TRAF3IP2: variants seen among roughly 807,000 people sequenced by gnomAD.
TRAF3IP2 encodes the protein TRAF3 interacting protein 2.
A neutral mutation model predicts 57.9 loss-of-function variants in TRAF3IP2; 35 were observed. The ratio of observed to expected loss-of-function variants is 0.60; its 90% CI spans 0.46 to 0.80. The LOEUF (loss-of-function observed/expected upper bound fraction) is 0.80, where lower values mean the gene tolerates loss of function less well. Among genes scored for constraint, TRAF3IP2 ranks in the 30% least tolerant of loss-of-function variants. The pLI is 0.00. For missense variants in TRAF3IP2, 556 were observed against 706.4 expected (o/e 0.79, Z 2.41); for synonymous variants, 251 against 268.9 (o/e 0.93, Z 0.65).
intron 2 of TRAF3IP2, among the ~76,000 whole-genome samples, chr6:111,583,002 C>T (rs550755085): frequency 6.6e-6 from 1 of 152,324 alleles, no homozygotes; most frequent in African/African-American, 2.4e-5. Flanking sequence ...CCAAAGAGTC[C>T]TGCCTCTTCA....
chr6:111,597,162 CTTT>C (rs1264653613), intron 1 of TRAF3IP2, among the ~76,000 whole-genome samples: 2 of 151,468 alleles, frequency 1.3e-5, no homozygotes, highest in Admixed American at 1.3e-4. Flanking sequence ...CTTCCCTCTT[CTTT>C]TTTTTTCCTC....
In TRAF3IP2 at chr6:111,559,295, A is replaced by G. The variant is rs1425833324; in HGVS notation, c.*110T>C. On this transcript the variant is annotated 3_prime_UTR_variant, in exon 9 of 9. Transcript: ENST00000368761. ...CTGGGGGCCAGAGGGCCTCTCGGGG[A>G]GGAACAGAAAAAAACCAGCCAGGAG... is the stretch of plus-strand genomic sequence containing the variant. 6.9e-7 allele frequency: 1 copy of G among 1,449,410 alleles called. No individual in the cohort carries two copies. Among genetic ancestry groups the G allele is most frequent in the Non-Finnish European group, 9.3e-7 (1 of 1,078,026 alleles). 89.8% of individuals were successfully genotyped at this position (1,449,410 alleles called of 1,614,324 possible).
chr6:111,593,102 C>T (rs897266825), intron 1 of TRAF3IP2, among the ~76,000 whole-genome samples: 10 of 152,194 alleles, frequency 6.6e-5, no homozygotes, highest in African/African-American at 1.9e-4. Context: ...GCAGGAAGAA[C>T]GCAGTCCAGA....
rs141777182 is a variant in TRAF3IP2, at chr6:111,591,836, C to A, written c.251G>T (p.Arg84Leu). Residue 84 changes from arginine to leucine, a missense_variant, in exon 2 of 9, where the codon CGC becomes CTC. Coordinates refer to ENST00000368761, the MANE Select transcript of TRAF3IP2 (RefSeq NM_147686.4). This position sits in a 1 kb window ranked among gnomAD's most constrained non-coding sequence, Gnocchi z 4.9. ...RPVSRQVTCL[R>L]TQVLEDSEDS... The stretch of plus-strand genomic sequence containing the variant: ...TTCACTGTCCTCCAGAACTTGAGTG[C>A]GCAGGCAGGTGACCTGCCGGGATAC... 2.5e-6 allele frequency: 4 copies of A among 1,614,070 alleles called. No homozygotes were observed. In the South Asian group the frequency reaches 3.3e-5, roughly 13 times the overall value.
At chr6:111,597,176 T>A (rs1420951942) in intron 1 of TRAF3IP2, among the ~76,000 whole-genome samples, 1 of 151,980 alleles carries the variant, frequency 6.6e-6, no homozygotes, top group East Asian at 1.9e-4. Context: ...TTTTTTCCTC[T>A]CCAGAACATT....
At chr6:111,586,459 AG>A (rs1796339800) in intron 2 of TRAF3IP2, among the ~76,000 whole-genome samples, 1 of 152,136 alleles carries the variant, frequency 6.6e-6, no homozygotes, top group South Asian at 2.1e-4. Context: ...AGGCAGCAGG[AG>A]GCCGACTTCT....
intron 7 of TRAF3IP2, among the ~76,000 whole-genome samples, chr6:111,563,966 T>C (rs922207261): frequency 5.3e-5 from 8 of 152,196 alleles, no homozygotes; most frequent in African/African-American, 1.9e-4. Context: ...AGCACAAAGC[T>C]TTCAGTCATC....
intron 2 of TRAF3IP2, among the ~76,000 whole-genome samples, chr6:111,585,619 CAT>C (rs1384434158): frequency 6.6e-6 from 1 of 152,132 alleles, no homozygotes; most frequent in African/African-American, 2.4e-5. Flanking sequence ...GAAGGGGAGA[CAT>C]ATGAGTCGAC....
At chr6:111,577,854 G>A (rs1461261931) in intron 3 of TRAF3IP2, among the ~76,000 whole-genome samples, 1 of 152,094 alleles carries the variant, frequency 6.6e-6, no homozygotes, top group Non-Finnish European at 1.5e-5. Context: ...TGGAACCACA[G>A]GTATGTGCCA....
intron 1 of TRAF3IP2, among the ~76,000 whole-genome samples, chr6:111,592,411 A>C (rs959122649): frequency 9.2e-5 from 14 of 152,254 alleles, no homozygotes; most frequent in Non-Finnish European, 1.8e-4. Flanking sequence ...AAATTATCAT[A>C]ATGTGGGCTG....
chr6:111,559,704 T>A (rs1003432139), intron 8 of TRAF3IP2, among the ~76,000 whole-genome samples, 153 bp from the exon 9 acceptor site: 2 of 152,208 alleles, frequency 1.3e-5, no homozygotes, highest in African/African-American at 4.8e-5. Flanking sequence ...TTTGGAAAGG[T>A]TTAGCATGTG....
intron 5 of TRAF3IP2, among the ~76,000 whole-genome samples, chr6:111,568,118 A>G (rs1365306331): frequency 6.6e-6 from 1 of 152,226 alleles, no homozygotes; most frequent in Non-Finnish European, 1.5e-5. Flanking sequence ...CTGAGATACA[A>G]TTGTGGTGCT....
intron 2 of TRAF3IP2, among the ~76,000 whole-genome samples, chr6:111,589,875 T>A (rs753391323): frequency 6.6e-6 from 1 of 152,258 alleles, no homozygotes; most frequent in African/African-American, 2.4e-5. Flanking sequence ...AAATTATGGT[T>A]GATTACAGCA....
chr6:111,574,127 A>G (rs1583224367), intron 4 of TRAF3IP2: 1 of 152,236 alleles, frequency 6.6e-6, no homozygotes, highest in East Asian at 1.9e-4. Flanking sequence ...GTTCTCCAGA[A>G]ATGCTCAAAA....
intron 2 of TRAF3IP2, among the ~76,000 whole-genome samples, chr6:111,581,715 C>T (rs145033796): frequency 1.2e-3 from 162 of 137,338 alleles, no homozygotes; most frequent in African/African-American, 4.3e-3. Context: ...TGGTGGCTCA[C>T]ACCTGTAATC....
chr6:111,562,018 A>T (rs1795464661), intron 8 of TRAF3IP2, among the ~76,000 whole-genome samples: 1 of 152,220 alleles, frequency 6.6e-6, no homozygotes. Flanking sequence ...CAGGGGTCTC[A>T]GTGCAGTCTT....
rs1468013691 is a variant in TRAF3IP2, at chr6:111,587,616, C to T, written c.829+3642G>A. 2.0e-5 allele frequency among the ~76,000 whole-genome samples: 3 copies of T among 152,022 alleles called. No individual in the cohort carries two copies. In the East Asian group the frequency reaches 5.8e-4, roughly 29 times the overall value. ...ATTAGAAGGAAAATATACCTGTCTC[C>T]TCTTAATTCCCTGCTCCCCTCCCCA... On this transcript the variant is annotated intron_variant, in intron 2 of 8. Transcript: ENST00000368761.
In TRAF3IP2 at chr6:111,591,038, A is replaced by G. The variant is rs546673001; in HGVS notation, c.829+220T>C. 2.2e-4 allele frequency among the ~76,000 whole-genome samples: 33 copies of G among 152,252 alleles called. No homozygotes were observed. The highest frequency in any genetic ancestry group is 7.7e-4 in the African/African-American group (32 of 41,554). On this transcript the variant is annotated intron_variant, in intron 2 of 8. Transcript: ENST00000368761. The surrounding 1 kb of genome is among the most constrained non-coding windows in gnomAD (Gnocchi z 4.9). Reference sequence around the variant, plus strand: ...ATTTTGTCCTTAAAGGTCCCTAGAGAAGGAGACTCCAAGTGGGACAGGCTT... The same window carrying G: ...ATTTTGTCCTTAAAGGTCCCTAGAGGAGGAGACTCCAAGTGGGACAGGCTT...
At chr6:111,597,951 G>A (rs755588635) in intron 1 of TRAF3IP2, 1 of 454,848 alleles carries the variant, frequency 2.2e-6, no homozygotes, top group South Asian at 1.6e-5. Context: ...CATGACCCAG[G>A]GAGCAAGCAC....
Sources: allele counts gnomAD v4.1 joint callset (sites outside exome capture counted in the v4.1 genomes callset), GRCh38; gene constraint gnomAD v4.1.1; non-coding constraint Gnocchi (gnomAD v3.1); transcripts MANE v1.5; gene names NCBI Gene and HGNC (gene_info 2026-07-23, HGNC 2026-07-21).